Variants in KIF7 observed in about 807,000 individuals in gnomAD.
The protein encoded by KIF7 is kinesin-like protein KIF7.
In KIF7, 104 loss-of-function variants were observed where a neutral mutation model predicts 135.7. The ratio of observed to expected loss-of-function variants is 0.77; its 90% confidence interval spans 0.65 to 0.90. The LOEUF (loss-of-function observed/expected upper bound fraction) is 0.90, where lower values mean the gene tolerates loss of function less well. Among genes scored for constraint, KIF7 ranks in the 40% least tolerant of loss-of-function variants. The pLI is 0.00. For missense variants in KIF7, 2,005 were observed against 1,839.1 expected, an observed-to-expected ratio of 1.09 and a Z score of -1.65; for synonymous variants, 883 against 809.4, an observed-to-expected ratio of 1.09 and a Z score of -1.54.
rs927320562 is a variant in KIF7, at chr15:89,633,167, A to G, written c.2692T>C (p.Ser898Pro). 1.2e-5 allele frequency: 19 copies of G among 1,604,016 alleles called. No individual in the cohort carries two copies. The highest frequency in any genetic ancestry group is 1.0e-4 in the Admixed American group (6 of 59,910). ...TGCTGCTGTTCCAGGCTGACCACAG[A>G]GCCGTTGCTGCCACTGCGCCTCTTC... ...QRKRRSGSNG[S>P]VVSLEQQQKI... The change falls in exon 13 of 19, where the codon TCT (serine) becomes CCT (proline). Residue 898 changes from serine to proline, a missense_variant. By Grantham distance (74) the Ser-to-Pro change is moderately conservative. Transcript: ENST00000394412.
At position 89,640,306 on chromosome 15, in the gene KIF7, AAATAATAAT is replaced by A. The variant is rs58183714; in HGVS notation, c.2394+1888_2394+1896del. 1.1e-4 allele frequency among the ~76,000 whole-genome samples: 17 copies of A among 151,278 alleles called. No homozygotes were observed. In the East Asian group the frequency reaches 2.5e-3, roughly 23 times the overall value. On this transcript the variant is annotated intron_variant, in intron 11 of 18. Coordinates refer to ENST00000394412, the MANE Select transcript of KIF7 (RefSeq NM_198525.3). ...TTAAAGTATAATAATAATAAATTAA[AAATAATAAT>A]AATAATAACAGTATACTAATAATGG...
At chr15:89,662,629 T>C in the KIF7 span, among the ~76,000 whole-genome samples, 4 of 152,190 alleles carry the variant, frequency 2.6e-5, no homozygotes, top group Non-Finnish European at 5.9e-5. Context: ...TGGAAGGCAT[T>C]GGGTATTTCT....
downstream of KIF7, chr15:89,626,824 T>A (rs1401740192): frequency 1.2e-5 from 12 of 966,720 alleles, no homozygotes; most frequent in African/African-American, 1.6e-5. Flanking sequence ...TTCTGTAGGA[T>A]AAGCGAACCT....
rs973284291 is a variant in KIF7 at position 89,649,799 on chromosome 15, G to A, written c.471C>T (p.Leu157=). 5.8e-6 allele frequency: 9 copies of A among 1,551,626 alleles called. No individual in the cohort carries two copies. The highest frequency in any genetic ancestry group is 4.9e-5 in the East Asian group (2 of 40,938). Residue 157 remains leucine (L), a synonymous_variant, in exon 3 of 19, where the codon CTC becomes CTT. Coordinates refer to ENST00000394412, the MANE Select transcript of KIF7 (RefSeq NM_198525.3). ...TGTCACGGCTGGCAGTGCCCACCTC[G>A]AGCAGGTCTCGGAACTCCTCCTTGT... ...EVYKEEFRDL[L]EVGTASRDIQ...
At chr15:89,631,464 C>A (rs1252010595) in intron 15 of KIF7, 31 bp downstream of exon 15, 1 of 1,533,696 alleles carries the variant, frequency 6.5e-7, no homozygotes, top group South Asian at 1.2e-5. Context: ...ACAATGGCAC[C>A]AAGGGGCTGA....
rs559797970 is a variant in KIF7, at chr15:89,649,753, G to A, written c.517C>T (p.Arg173Cys). The change falls in exon 3 of 19, where the codon CGC becomes TGC. Residue 173 changes from arginine to cysteine, a missense_variant. Transcript: ENST00000394412. Reference protein sequence around the residue: ...SRDIQLREDERGNVVLCGVKE... With the variant: ...SRDIQLREDECGNVVLCGVKE... Reference sequence around the variant, plus strand: ...CAGAGTTCCTCACCAACATTCCCGCGCTCATCTTCCCGGAGCTGGATGTCA... The same window carrying A: ...CAGAGTTCCTCACCAACATTCCCGCACTCATCTTCCCGGAGCTGGATGTCA... 4.8e-5 allele frequency: 75 copies of A among 1,551,828 alleles called. No homozygotes were observed. The highest frequency in any genetic ancestry group is 2.7e-4 in the Admixed American group (14 of 51,004).
intron 14 of KIF7, among the ~76,000 whole-genome samples, chr15:89,632,485 T>A (rs1315874410): frequency 1.3e-5 from 2 of 152,148 alleles, no homozygotes; most frequent in African/African-American, 4.8e-5. Flanking sequence ...GATGGACACT[T>A]AAGAGAGGTT....
intron 14 of KIF7, 126 bp downstream of exon 14, chr15:89,632,694 C>T (rs377653144): frequency 4.0e-6 from 4 of 1,003,600 alleles, no homozygotes; most frequent in Non-Finnish European, 6.1e-6. Flanking sequence ...CTTGGAAGGA[C>T]CTCACTTTGC....
At chr15:89,624,085 G>C (rs200572844), downstream of KIF7, 3 of 1,613,748 alleles carry the variant, frequency 1.9e-6, no homozygotes, top group South Asian at 2.2e-5. Context: ...AGCCTTCATG[G>C]GCACGCCTCA....
rs534135625 is a variant in KIF7, at chr15:89,641,322, G to C, written c.2394+881C>G. Among the ~76,000 whole-genome samples the C allele has an allele frequency of 2.6e-5, 4 of 152,214 alleles. No individual in the cohort carries two copies. In the South Asian group the frequency reaches 8.3e-4, roughly 32 times the overall value. On this transcript the variant is annotated intron_variant, in intron 11 of 18. Transcript: ENST00000394412. ...GGGAAACCAGACCTGTAGACACCTT[G>C]AGCTCGGACTGACAGCCTCCAGAGC...
upstream of KIF7, among the ~76,000 whole-genome samples, chr15:89,660,153 G>T (rs1330926094): frequency 6.6e-6 from 1 of 152,172 alleles, no homozygotes; most frequent in Non-Finnish European, 1.5e-5. Context: ...AGCCAAGATC[G>T]TACCACTGCA....
intron 11 of KIF7, among the ~76,000 whole-genome samples, chr15:89,637,427 C>G (rs1355453020): frequency 1.3e-5 from 2 of 151,622 alleles, no homozygotes; most frequent in Admixed American, 6.6e-5. Flanking sequence ...ATTGATAGAC[C>G]ACTAGCAAGA....
rs1356594136 is a variant in KIF7, at chr15:89,633,182, T to C, written c.2677A>G (p.Ser893Gly). 8 of 1,605,250 alleles carry C rather than the reference T, an allele frequency of 5.0e-6. No individual in the cohort carries two copies. The highest frequency in any genetic ancestry group is 1.3e-5 in the African/African-American group (1 of 74,910). ...EIAAFQRKRR[S>G]GSNGSVVSLE... The stretch of plus-strand genomic sequence containing the variant: ...CTGACCACAGAGCCGTTGCTGCCAC[T>C]GCGCCTCTTCCTCTGGAATGCCGCG... The change falls in exon 13 of 19, where the codon AGT (serine) becomes GGT (glycine). Residue 893 changes from serine to glycine, a missense_variant. Physicochemically the swap from Ser to Gly is moderately conservative, Grantham distance 56. Coordinates refer to ENST00000394412, the MANE Select transcript of KIF7 (RefSeq NM_198525.3).
chr15:89,625,629 G>C (rs771902491), downstream of KIF7: 2 of 1,613,438 alleles, frequency 1.2e-6, no homozygotes, highest in South Asian at 2.2e-5. Context: ...TGAGTTCCAG[G>C]AAGAGAGTCC....
chr15:89,647,953 A>G (rs1964045795), intron 5 of KIF7, among the ~76,000 whole-genome samples: 1 of 152,156 alleles, frequency 6.6e-6, no homozygotes, highest in African/African-American at 2.4e-5. Context: ...CACCACTATT[A>G]TTAGGAACAA....
upstream of KIF7, among the ~76,000 whole-genome samples, chr15:89,657,260 G>A (rs961437934): frequency 7.0e-6 from 1 of 142,216 alleles, no homozygotes; most frequent in African/African-American, 2.6e-5. Context: ...GCAGTGAGCC[G>A]AGATGGTGCC....
At chr15:89,635,950 G>C (rs1963797883) in intron 11 of KIF7, among the ~76,000 whole-genome samples, 1 of 151,996 alleles carries the variant, frequency 6.6e-6, no homozygotes. Flanking sequence ...TACCCACAAA[G>C]GGAAGCCCAT....
At chr15:89,647,393 C>T (rs1964033882) in intron 6 of KIF7, among the ~76,000 whole-genome samples, 1 of 152,268 alleles carries the variant, frequency 6.6e-6, no homozygotes, top group African/African-American at 2.4e-5. Flanking sequence ...CCCAGCAAAG[C>T]TGCCCTGCCT....
Position 89,644,837 on chromosome 15 carries a change from G to T in KIF7, c.2191+176C>A, listed in dbSNP as rs765689795. Among the ~76,000 whole-genome samples, 12 of 152,212 alleles carry T rather than the reference G, an allele frequency of 7.9e-5. 1 individual carries two copies. Among genetic ancestry groups the T allele is most frequent in the Non-Finnish European group, 1.3e-4 (9 of 68,038 alleles). ...AGATGAAAAAACTGAGGCACGGAGG[G>T]TTTATGCTACTTGCTCAGGGTCACA... On this transcript the variant is annotated intron_variant, in intron 10 of 18. Coordinates refer to ENST00000394412, the MANE Select transcript of KIF7 (RefSeq NM_198525.3).
Sources: gnomAD v4.1 joint callset for allele counts (sites outside exome capture counted in the v4.1 genomes callset) on GRCh38, gnomAD v4.1.1 for gene constraint, MANE v1.5 for transcripts, NCBI Gene and HGNC (gene_info 2026-07-23, HGNC 2026-07-21) for gene names.